Variants in EI24 observed in about 807,000 individuals in gnomAD.
EI24 encodes the protein EI24 autophagy associated transmembrane protein, also known as etoposide-induced protein 2.4 homolog.
A neutral mutation model predicts 48.6 loss-of-function variants in EI24; 21 were observed. The ratio of observed to expected loss-of-function variants is 0.43; its 90% CI spans 0.31 to 0.62. The LOEUF (loss-of-function observed/expected upper bound fraction) is 0.62, where lower values mean the gene tolerates loss of function less well. EI24 is among the 20% of genes least tolerant of loss of function. EI24 has a pLI of 0.10. For synonymous variants in EI24, 114 were observed against 145.5 expected, an observed-to-expected ratio of 0.78 and a Z score of 1.56; for missense variants, 280 against 410.5, an observed-to-expected ratio of 0.68 and a Z score of 2.75.
chr11:125,572,599 C>G, intron 2 of EI24, 30 bp downstream of exon 2: 2 of 1,593,860 alleles, frequency 1.3e-6, no homozygotes, highest in Non-Finnish European at 1.7e-6. Context: ...AGGAATTCAT[C>G]TCTCGGCCTT....
At chr11:125,578,035 C>A in intron 5 of EI24, 98 bp from the exon 6 acceptor site, 1 of 1,432,272 alleles carries the variant, frequency 7.0e-7, no homozygotes, top group Non-Finnish European at 9.7e-7. Context: ...TAGAAAGATC[C>A]AGGAGGAGAC....
chr11:125,577,845 T>G (rs760384032), intron 5 of EI24: 2 of 566,078 alleles, frequency 3.5e-6, no homozygotes, highest in Non-Finnish European at 6.2e-6. Flanking sequence ...TAAACCCAGA[T>G]GGTATCCTGC....
At chr11:125,573,967 C>A (rs1444871245) in intron 2 of EI24, among the ~76,000 whole-genome samples, 1 of 152,044 alleles carries the variant, frequency 6.6e-6, no homozygotes, top group Non-Finnish European at 1.5e-5. Flanking sequence ...CAGGCATGAG[C>A]CACCGTGCCC....
chr11:125,579,952 C>A (rs1168852466), intron 7 of EI24, 141 bp from the exon 8 acceptor site: 97 of 700,098 alleles, frequency 1.4e-4, no homozygotes, highest in Non-Finnish European at 2.3e-4. Flanking sequence ...GAATGAGTCA[C>A]TGTGCCCACC....
intron 3 of EI24, 112 bp downstream of exon 3, chr11:125,575,520 T>C: frequency 3.2e-6 from 4 of 1,247,580 alleles, no homozygotes; most frequent in South Asian, 1.7e-5. Context: ...AGAAAAATGT[T>C]GCAAGTGATT....
intron 5 of EI24, 149 bp downstream of exon 5, chr11:125,577,719 T>G: frequency 1.4e-6 from 1 of 692,134 alleles, no homozygotes; most frequent in African/African-American, 1.8e-5. Context: ...AAAATTTATA[T>G]TTCGTTATTC....
Position 125,577,366 on chromosome 11 carries a change from C to T in EI24, c.250-138C>T, listed in dbSNP as rs1032628465. On this transcript the variant is annotated intron_variant, in intron 4 of 10. Coordinates refer to ENST00000278903, the MANE Select transcript of EI24 (RefSeq NM_004879.5). Reference sequence around the variant, plus strand: ...CTTGGCCTCTCAAAGTGAACCACCGCGCATGAGCCACCGCGCCCGGCCTAG... The same window carrying T: ...CTTGGCCTCTCAAAGTGAACCACCGTGCATGAGCCACCGCGCCCGGCCTAG... The T allele has an allele frequency of 8.9e-5, 66 of 740,512 alleles. No homozygotes were observed. The Admixed American group carries it at 9.5e-4, about 11-fold the overall frequency. 45.9% of individuals were successfully genotyped at this position (740,512 alleles called of 1,614,324 possible).
At chr11:125,582,848 A>G (rs1425143464) in intron 10 of EI24, among the ~76,000 whole-genome samples, 1 of 152,164 alleles carries the variant, frequency 6.6e-6, no homozygotes, top group Admixed American at 6.5e-5. Flanking sequence ...GGGTTTTTGT[A>G]TGCTCTTGCT....
chr11:125,575,784 A>ATTTT (rs61493355), intron 3 of EI24: 37 of 186,818 alleles, frequency 2.0e-4, no homozygotes, highest in South Asian at 5.4e-4. Flanking sequence ...ATATATACAC[A>ATTTT]TTTTTTTTTT....
intron 7 of EI24, among the ~76,000 whole-genome samples, chr11:125,579,324 CT>C (rs1370371186): frequency 6.6e-6 from 1 of 151,310 alleles, no homozygotes; most frequent in Non-Finnish European, 1.5e-5. Context: ...CAGGTGGAAA[CT>C]TTTTTTCTTT....
Position 125,583,634 on chromosome 11 carries a change from C to T in EI24, c.974C>T (p.Pro325Leu), listed in dbSNP as rs752258627. The T allele has an allele frequency of 1.9e-6, 3 of 1,613,496 alleles. No individual in the cohort carries two copies. The highest frequency in any genetic ancestry group is 3.3e-5 in the Admixed American group (2 of 59,944). ...AGCTCTACTTCTGCAGAGAAGTTCC[C>T]TTCACCGCATCCGTCGCCTGCCAAA... ...LSSSTSAEKFPSPHPSPAKLK... is the reference protein window; with the variant it reads ...LSSSTSAEKFLSPHPSPAKLK... Residue 325 changes from proline (P) to leucine (L), a missense_variant, in exon 11 of 11, where the codon CCT (proline) becomes CTT (leucine). By Grantham distance (98) the Pro-to-Leu change is moderately conservative. Coordinates refer to ENST00000278903, the MANE Select transcript of EI24 (RefSeq NM_004879.5).
At chr11:125,575,824 A>AAGCTGTCACCT (rs1227314482) in intron 3 of EI24, 3 of 331,310 alleles carry the variant, frequency 9.1e-6, no homozygotes, top group Middle Eastern at 5.1e-4. Flanking sequence ...CCCTGTCACC[A>AAGCTGTCACCT]AGCTGTCACC....
chr11:125,581,394 C>T, intron 9 of EI24, 72 bp downstream of exon 9: 1 of 991,496 alleles, frequency 1.0e-6, no homozygotes, highest in Non-Finnish European at 1.5e-6. Context: ...CTTTTGTTTG[C>T]TTCGTTCTGT....
Position 125,575,388 on chromosome 11 carries a change from T to A in EI24, c.168T>A (p.Ser56Arg). Residue 56 changes from serine (S) to arginine (R), a missense_variant, in exon 3 of 11, where the codon AGT (serine) becomes AGA (arginine). This residue lies in a region of EI24 where 204 missense variants were observed against 294.1 expected (regional missense o/e 0.69). Coordinates refer to ENST00000278903, the MANE Select transcript of EI24 (RefSeq NM_004879.5). Reference sequence around the variant, plus strand: ...TCTTGGCACAGAGAAGAGCCCAGAGTATAGAGCGGAAGCAAGAGAGGTAAG... The same window carrying A: ...TCTTGGCACAGAGAAGAGCCCAGAGAATAGAGCGGAAGCAAGAGAGGTAAG... Reference protein sequence around the residue: ...SSVLAQRRAQSIERKQESEPR... With the variant: ...SSVLAQRRAQRIERKQESEPR... The A allele has an allele frequency of 6.3e-7, 1 of 1,593,576 alleles. No homozygotes were observed.
At chr11:125,575,784 ATTT>A (rs61493355) in intron 3 of EI24, 44 of 186,680 alleles carry the variant, frequency 2.4e-4, no homozygotes, top group South Asian at 1.0e-3. Flanking sequence ...ATATATACAC[ATTT>A]TTTTTTTTTT....
intron 4 of EI24, among the ~76,000 whole-genome samples, chr11:125,576,882 T>C (rs1283349154): frequency 6.6e-6 from 1 of 152,162 alleles, no homozygotes; most frequent in Non-Finnish European, 1.5e-5. Flanking sequence ...TTTCAGATGT[T>C]AGTTTTAAAT....
At position 125,577,560 on chromosome 11, in the gene EI24, C is replaced by T. The variant is rs574581671; in HGVS notation, c.306C>T (p.Ala102=). 9.3e-6 allele frequency: 15 copies of T among 1,613,546 alleles called. No individual in the cohort carries two copies. The highest frequency in any genetic ancestry group is 1.0e-5 in the Non-Finnish European group (12 of 1,179,702). ...TTCCTGTGCTTCAGTCGGTAACAGC[C>T]CGAATTATCGGTAAGTGTATACCCT... The part of the protein sequence containing the change: ...VFIPVLQSVT[A]RIIGDPSLHG... Residue 102 remains alanine (A), a synonymous_variant, in exon 5 of 11, where the codon GCC becomes GCT. Transcript: ENST00000278903.
chr11:125,577,210 G>A (rs930250237), intron 4 of EI24, among the ~76,000 whole-genome samples: 1 of 152,186 alleles, frequency 6.6e-6, no homozygotes, highest in Non-Finnish European at 1.5e-5. Flanking sequence ...TCCTGCCTCA[G>A]CCTTCCCAGT....
intron 4 of EI24, among the ~76,000 whole-genome samples, chr11:125,577,025 A>T (rs1276253450): frequency 2.0e-5 from 3 of 152,004 alleles, no homozygotes; most frequent in Non-Finnish European, 4.4e-5. Context: ...TCTCAATTGG[A>T]GTGTTGGGAA....
Sources: allele counts gnomAD v4.1 joint callset (sites outside exome capture counted in the v4.1 genomes callset), GRCh38; gene constraint gnomAD v4.1.1; regional missense constraint gnomAD v4.1.1; transcripts MANE v1.5; gene names NCBI Gene and HGNC (gene_info 2026-07-23, HGNC 2026-07-21).